CYP3A4: variants seen among roughly 807,000 people sequenced by gnomAD.
CYP3A4 encodes the protein cytochrome P450 3A4.
In CYP3A4, 41 loss-of-function variants were observed where a neutral mutation model predicts 54.9. That is an observed-to-expected ratio of 0.75 (90% CI 0.58 to 0.97). The LOEUF (loss-of-function observed/expected upper bound fraction) is 0.97. Ranked by LOEUF, CYP3A4 falls within the 50% of genes least tolerant of loss-of-function variation. The pLI is 0.00. For missense variants in CYP3A4, 510 were observed against 597.3 expected (o/e 0.85, Z 1.52); for synonymous variants, 179 against 205.2 (o/e 0.87, Z 1.09).
chr7:99,763,577 A>G (rs1815394095), intron 10 of CYP3A4, among the ~76,000 whole-genome samples: 1 of 152,218 alleles, frequency 6.6e-6, no homozygotes, highest in Admixed American at 6.5e-5. Context: ...GCTTATTGTT[A>G]GATGCCACTG....
intron 1 of CYP3A4, 34 bp from the exon 2 acceptor site, chr7:99,780,119 T>C: frequency 6.3e-7 from 1 of 1,588,236 alleles, no homozygotes; most frequent in African/African-American, 1.3e-5. Flanking sequence ...GTCACAGCGA[T>C]TGTGACTTTA....
chr7:99,780,085 T>C lies in CYP3A4; in HGVS notation c.72A>G (p.Leu24=). ...LLAVSLVLLY[L]YGTHSHGLFK... ...AAAGTCCATGTGAATGGGTTCCATATCTACAAAGTGAAACAGAAATCAAGT... is the reference window on the plus strand; with the variant it reads ...AAAGTCCATGTGAATGGGTTCCATACCTACAAAGTGAAACAGAAATCAAGT... The change falls in exon 2 of 13, where the codon CTA becomes CTG. Residue 24 remains leucine (L), a splice_region_variant and synonymous_variant. Coordinates refer to ENST00000651514, the MANE Select transcript of CYP3A4 (RefSeq NM_017460.6). 3 of 1,612,382 alleles carry C rather than the reference T, an allele frequency of 1.9e-6. No homozygotes were observed. Among genetic ancestry groups the C allele is most frequent in the Non-Finnish European group, 2.5e-6 (3 of 1,178,598 alleles).
intron 6 of CYP3A4, 120 bp downstream of exon 6, chr7:99,769,648 A>G: frequency 2.7e-6 from 3 of 1,108,856 alleles, no homozygotes; most frequent in South Asian, 1.4e-5. Flanking sequence ...AAGTTGCATT[A>G]CCACAGCCCT....
intron 6 of CYP3A4, 85 bp downstream of exon 6, chr7:99,769,683 C>T: frequency 6.5e-7 from 1 of 1,548,886 alleles, no homozygotes. Flanking sequence ...ACTGGAATAA[C>T]CCAACAGCAG....
chr7:99,780,938 T>A (rs894688127), intron 1 of CYP3A4, among the ~76,000 whole-genome samples: 6 of 152,200 alleles, frequency 3.9e-5, no homozygotes, highest in African/African-American at 7.2e-5. Context: ...TTCATCTGAT[T>A]AGCACAGTGC....
rs139943057 is a variant in CYP3A4 at position 99,758,944 on chromosome 7, T to C, written c.1417-716A>G. Among the ~76,000 whole-genome samples, 354 of 152,276 alleles carry C rather than the reference T, an allele frequency of 2.3e-3. 2 individuals are homozygous for C. The highest frequency in any genetic ancestry group is 8.3e-3 in the African/African-American group (343 of 41,566). The stretch of plus-strand genomic sequence containing the variant: ...TCTTATTGAGACACTCCTTCCGTGT[T>C]GAGGGGACACAACAGAGTGATATTC... On this transcript the variant is annotated intron_variant, in intron 12 of 12. Transcript: ENST00000651514.
chr7:99,770,433 CG>C (rs914533642), intron 4 of CYP3A4, among the ~76,000 whole-genome samples, 198 bp from the exon 5 acceptor site: 1 of 59,430 alleles, frequency 1.7e-5, no homozygotes, highest in African/African-American at 6.1e-5. Flanking sequence ...TGGGGCGGGG[CG>C]GGGGGGTGGC....
chr7:99,774,822 G>A (rs1243639402), intron 3 of CYP3A4, among the ~76,000 whole-genome samples: 1 of 152,160 alleles, frequency 6.6e-6, no homozygotes, highest in African/African-American at 2.4e-5. Flanking sequence ...ATTCAACATA[G>A]TGTCGGAAGT....
At chr7:99,760,745 C>A (rs1815297885) in intron 12 of CYP3A4, 74 bp downstream of exon 12, 1 of 1,546,390 alleles carries the variant, frequency 6.5e-7, no homozygotes, top group Non-Finnish European at 8.8e-7. Context: ...CAAGCATATT[C>A]TTTTTAAAAA....
chr7:99,770,467 TGTC>T (rs1231074412), intron 4 of CYP3A4, among the ~76,000 whole-genome samples: 3 of 152,172 alleles, frequency 2.0e-5, no homozygotes, highest in African/African-American at 4.8e-5. Context: ...GAGACCCTGA[TGTC>T]GTCTCCAGCC....
In CYP3A4 at chr7:99,758,094, A is replaced by C; in HGVS notation, c.*39T>G. 1 of 1,541,102 alleles carries C rather than the reference A, an allele frequency of 6.5e-7. No individual in the cohort carries two copies. Among genetic ancestry groups the C allele is most frequent in the Non-Finnish European group, 9.0e-7 (1 of 1,113,716 alleles). ...TGAGGTCTCTGGTGTTCTCAGGCAC[A>C]GATTTCTTGAAGAGCAAAGCAGAAG... is the stretch of plus-strand genomic sequence containing the variant. On this transcript the variant is annotated 3_prime_UTR_variant, in exon 13 of 13. Transcript: ENST00000651514.
chr7:99,772,394 T>G (rs1815657113), intron 4 of CYP3A4, among the ~76,000 whole-genome samples, 196 bp downstream of exon 4: 1 of 152,204 alleles, frequency 6.6e-6, no homozygotes, highest in Non-Finnish European at 1.5e-5. Flanking sequence ...GTCAATTTCC[T>G]GTACTATATA....
chr7:99,770,071 C>T, intron 5 of CYP3A4, 51 bp downstream of exon 5: 1 of 1,574,564 alleles, frequency 6.4e-7, no homozygotes, highest in East Asian at 2.3e-5. Context: ...TACCTGTCCC[C>T]ACCAGATTCA....
rs541284456 is a variant in CYP3A4 at position 99,769,527 on chromosome 7, G to T, written c.521+241C>A. ...TTTAGTCTTCTAGAATATCCAAGGTGACAATTTAATGGATATGTAAACCCT... is the reference window on the plus strand; with the variant it reads ...TTTAGTCTTCTAGAATATCCAAGGTTACAATTTAATGGATATGTAAACCCT... On this transcript the variant is annotated intron_variant, in intron 6 of 12. Transcript: ENST00000651514. The T allele has an allele frequency of 1.3e-5, 7 of 522,944 alleles. No homozygotes were observed. The South Asian group carries it at 1.4e-4, about 11-fold the overall frequency. The allele number at this position is 522,944 out of a possible 1,614,324, so 32.4% of individuals were successfully genotyped here.
At chr7:99,779,907 C>T (rs551903005) in intron 2 of CYP3A4, 85 bp downstream of exon 2, 69 of 1,291,862 alleles carry the variant, frequency 5.3e-5, no homozygotes, top group Admixed American at 4.5e-4. Flanking sequence ...CAGACCTTCC[C>T]CCTGAGGAGA....
At chr7:99,765,651 T>C (rs1337964008) in intron 9 of CYP3A4, among the ~76,000 whole-genome samples, 1 of 152,224 alleles carries the variant, frequency 6.6e-6, no homozygotes. Context: ...TTTTGTGAGA[T>C]GGTTGCCAAG....
chr7:99,771,922 T>A (rs1729752164), intron 4 of CYP3A4, among the ~76,000 whole-genome samples: 1 of 152,124 alleles, frequency 6.6e-6, no homozygotes, highest in Non-Finnish European at 1.5e-5. Flanking sequence ...TCTCATACCT[T>A]ATACAAAAAA....
chr7:99,767,045 T>G (rs894287640), intron 8 of CYP3A4, 86 bp downstream of exon 8: 1 of 1,254,022 alleles, frequency 8.0e-7, no homozygotes, highest in Admixed American at 2.3e-5. Context: ...TTTAAAAACA[T>G]ACAGGTAACT....
intron 10 of CYP3A4, 27 bp from the exon 11 acceptor site, chr7:99,762,294 A>G (rs1156652640): frequency 3.1e-6 from 5 of 1,611,542 alleles, no homozygotes; most frequent in Non-Finnish European, 4.2e-6. Context: ...AGATTTGGAT[A>G]AATTGAGATT....
Sources: allele counts gnomAD v4.1 joint callset (sites outside exome capture counted in the v4.1 genomes callset), GRCh38; gene constraint gnomAD v4.1.1; transcripts MANE v1.5; gene names NCBI Gene and HGNC (gene_info 2026-07-23, HGNC 2026-07-21).